Variants in MGAT5 observed in about 807,000 individuals in gnomAD.
MGAT5 encodes alpha-1,6-mannosylglycoprotein 6-beta-N-acetylglucosaminyltransferase A.
MGAT5 carries 30 observed loss-of-function variants against 94.3 expected under a neutral mutation model. The ratio of observed to expected loss-of-function variants is 0.32; its 90% CI spans 0.24 to 0.43. MGAT5 has a LOEUF of 0.43. Ranked by LOEUF, MGAT5 falls within the 20% of genes least tolerant of loss-of-function variation. The pLI is 1.00. For missense variants in MGAT5, 691 were observed against 905.5 expected (o/e 0.76, Z 3.04); for synonymous variants, 310 against 322.9 (o/e 0.96, Z 0.43).
At chr2:134,272,650 C>T (rs1684101049) in intron 2 of MGAT5, among the ~76,000 whole-genome samples, 1 of 152,194 alleles carries the variant, frequency 6.6e-6, no homozygotes, top group South Asian at 2.1e-4. Context: ...CTGCCTGACC[C>T]TCCAATGTAC....
intron 1 of MGAT5, among the ~76,000 whole-genome samples, chr2:134,162,881 G>A (rs962048310): frequency 3.9e-5 from 6 of 152,210 alleles, no homozygotes; most frequent in African/African-American, 1.4e-4. Flanking sequence ...TAAGTGCCTT[G>A]CAAACTGTGT....
At chr2:134,354,883 A>G (rs1411348066) in intron 9 of MGAT5, among the ~76,000 whole-genome samples, 2 of 152,170 alleles carry the variant, frequency 1.3e-5, no homozygotes, top group Admixed American at 1.3e-4. Flanking sequence ...TGACCTCTGA[A>G]CTAGGCACTA....
intron 1 of MGAT5, among the ~76,000 whole-genome samples, chr2:134,180,957 G>A (rs1351380962): frequency 1.3e-5 from 2 of 152,156 alleles, no homozygotes; most frequent in African/African-American, 2.4e-5. Flanking sequence ...CTTTCTCAGC[G>A]ATACCCTGTC....
chr2:134,443,359 CTT>C (rs1351522347), intron 15 of MGAT5, among the ~76,000 whole-genome samples: 1 of 152,044 alleles, frequency 6.6e-6, no homozygotes, highest in Non-Finnish European at 1.5e-5. Flanking sequence ...GCCCAGCTAA[CTT>C]TTGTATTTTT....
At chr2:134,387,302 ATATATAT>A (rs1261700318) in intron 10 of MGAT5, among the ~76,000 whole-genome samples, 5 of 21,488 alleles carry the variant, frequency 2.3e-4, no homozygotes, top group Non-Finnish European at 4.3e-4. Flanking sequence ...GTTATGTATG[ATATATAT>A]ATATATATAT....
intron 11 of MGAT5, among the ~76,000 whole-genome samples, chr2:134,405,646 G>A (rs193113078): frequency 4.5e-4 from 68 of 152,352 alleles, no homozygotes; most frequent in Non-Finnish European, 7.9e-4. Context: ...TCTGCAGCAT[G>A]AATGGGATTC....
chr2:134,233,166 G>C (rs1273363051), intron 1 of MGAT5, among the ~76,000 whole-genome samples: 1 of 152,148 alleles, frequency 6.6e-6, no homozygotes, highest in Non-Finnish European at 1.5e-5. Context: ...TACAGGGCTG[G>C]TTCTGTGTTT....
In MGAT5 at chr2:134,268,757, C is replaced by A. The variant is rs1683860660; in HGVS notation, c.242-1629C>A. 6.6e-6 allele frequency among the ~76,000 whole-genome samples: 1 copy of A among 152,192 alleles called. No individual in the cohort carries two copies. On this transcript the variant is annotated intron_variant, in intron 1 of 15. Coordinates refer to ENST00000281923, the MANE Select transcript of MGAT5 (RefSeq NM_002410.5). The surrounding 1 kb of genome is among the most constrained non-coding windows in gnomAD (Gnocchi z 4.1). ...TATAAATATTAACTCTTTAACTCCTCTTGACAACCTCAAAGCTGAAGTGTT... is the reference window on the plus strand; with the variant it reads ...TATAAATATTAACTCTTTAACTCCTATTGACAACCTCAAAGCTGAAGTGTT...
intron 1 of MGAT5, among the ~76,000 whole-genome samples, chr2:134,156,814 C>T (rs981122722): frequency 6.6e-6 from 1 of 152,194 alleles, no homozygotes; most frequent in Non-Finnish European, 1.5e-5. Context: ...CCCTGAGCAA[C>T]TCCTCATCTC....
intron 10 of MGAT5, among the ~76,000 whole-genome samples, chr2:134,388,917 C>T (rs1351839990): frequency 2.0e-5 from 3 of 152,140 alleles, no homozygotes; most frequent in African/African-American, 4.8e-5. Flanking sequence ...CACACCACCA[C>T]ATCTGGCCAA....
At chr2:134,181,845 T>C (rs1688748983) in intron 1 of MGAT5, among the ~76,000 whole-genome samples, 1 of 152,208 alleles carries the variant, frequency 6.6e-6, no homozygotes, top group Admixed American at 6.5e-5. Context: ...TGTTTAGAAT[T>C]GTTGGAGCTT....
At chr2:134,302,750 GT>G (rs1686101009) in intron 2 of MGAT5, among the ~76,000 whole-genome samples, 1 of 150,558 alleles carries the variant, frequency 6.6e-6, no homozygotes, top group Non-Finnish European at 1.5e-5. Flanking sequence ...GTGTGTGTGT[GT>G]GTGTGTGTGT....
At position 134,422,810 on chromosome 2, in the gene MGAT5, C is replaced by T; in HGVS notation, c.1685C>T (p.Ser562Phe). The change falls in exon 13 of 16, where the codon TCC becomes TTC. Residue 562 changes from serine (S) to phenylalanine (F), a missense_variant. Coordinates refer to ENST00000281923, the MANE Select transcript of MGAT5 (RefSeq NM_002410.5). The part of the protein sequence containing the change: ...IGKPTLRELT[S>F]QHPYAEVFIG... ...TGTTCGGTTCTTTTCCAGCTGACATCCCAGCATCCTTACGCTGAAGTTTTC... is the reference window on the plus strand; with the variant it reads ...TGTTCGGTTCTTTTCCAGCTGACATTCCAGCATCCTTACGCTGAAGTTTTC... 1 of 1,613,558 alleles carries T rather than the reference C, an allele frequency of 6.2e-7. No individual in the cohort carries two copies. Among genetic ancestry groups the T allele is most frequent in the Non-Finnish European group, 8.5e-7 (1 of 1,179,586 alleles).
rs991606758 is a variant in MGAT5, at chr2:134,270,255, T to A, written c.242-131T>A. The A allele has an allele frequency of 9.5e-6, 8 of 843,878 alleles. No individual in the cohort carries two copies. The East Asian group carries it at 1.1e-4, about 11-fold the overall frequency. 52.3% of individuals were successfully genotyped at this position (843,878 alleles called of 1,614,324 possible). On this transcript the variant is annotated intron_variant, in intron 1 of 15. Transcript: ENST00000281923. ...GACGGCCCTTGTCATCTTTCAGATG[T>A]GGTTTGACAGATCTTTTGTATCACT...
chr2:134,152,062 CCA>C (rs1687226644), intron 1 of MGAT5, among the ~76,000 whole-genome samples: 1 of 141,896 alleles, frequency 7.0e-6, no homozygotes, highest in South Asian at 2.4e-4. Context: ...TGGGACCCGC[CCA>C]CTGCCATGGG....
chr2:134,405,185 G>A (rs1683262235), intron 11 of MGAT5, among the ~76,000 whole-genome samples: 2 of 152,248 alleles, frequency 1.3e-5, no homozygotes, highest in South Asian at 4.1e-4. Context: ...GGGAGGACAG[G>A]AAAAGAGGCA....
chr2:134,217,238 G>GGTGTGTGTGTGTGTGTGTGTGTGT (rs35795776), intron 1 of MGAT5, among the ~76,000 whole-genome samples: 40 of 145,220 alleles, frequency 2.8e-4, no homozygotes, highest in African/African-American at 9.6e-4. Context: ...GAGAGAGAGT[G>GGTGTGTGTGTGTGTGTGTGTGTGT]GTGTGTGTGT....
intron 1 of MGAT5, 107 bp from the exon 2 acceptor site, chr2:134,270,279 C>A: frequency 8.8e-7 from 1 of 1,132,098 alleles, no homozygotes; most frequent in Non-Finnish European, 1.3e-6. Context: ...TTTTGTATCA[C>A]TTCAGAAACA....
rs1212076468 is a variant in MGAT5, at chr2:134,189,598, T to TTTTTGTTTTG, written c.-142-64661_-142-64660insTGTTTTGTTT. Among the ~76,000 whole-genome samples, 88 of 72,438 alleles carry TTTTTGTTTTG rather than the reference T, an allele frequency of 1.2e-3. 1 individual carries two copies. Among genetic ancestry groups the TTTTTGTTTTG allele is most frequent in the African/African-American group, 6.0e-3 (81 of 13,588 alleles). 47.5% of individuals were successfully genotyped at this position (72,438 alleles called of 152,430 possible). A position where few individuals can be genotyped will look rare whatever the true frequency, so the allele number is the denominator to read the frequency against. On this transcript the variant is annotated intron_variant, in intron 1 of 16. Transcript: ENST00000409645. ...GACTAACCTCATGGCTCTAGTTTTTTTTTGTTTTTTTTTTTTTTTTTTAAG... is the reference window on the plus strand; with the variant it reads ...GACTAACCTCATGGCTCTAGTTTTTTTTTTGTTTTGTTTGTTTTTTTTTTTTTTTTTTAAG...
Sources: allele counts gnomAD v4.1 joint callset (sites outside exome capture counted in the v4.1 genomes callset), GRCh38; gene constraint gnomAD v4.1.1; non-coding constraint Gnocchi (gnomAD v3.1); transcripts MANE v1.5; gene names NCBI Gene and HGNC (gene_info 2026-07-23, HGNC 2026-07-21).